USH2A: variants seen among roughly 807,000 people sequenced by gnomAD.
USH2A encodes the protein Usher syndrome 2A (autosomal recessive, mild).
USH2A carries 443 observed loss-of-function variants against 538.9 expected under a neutral mutation model. That is an observed-to-expected ratio of 0.82 (90% CI 0.76 to 0.89). The LOEUF is 0.89. Ranked by LOEUF, USH2A falls within the 40% of genes least tolerant of loss-of-function variation. The pLI is 0.00. For synonymous variants in USH2A, 2,413 were observed against 2,273.5 expected (o/e 1.06, Z -1.75); for missense variants, 6,633 against 6,324.8 (o/e 1.05, Z -1.65).
intron 4 of USH2A, among the ~76,000 whole-genome samples, chr1:216,355,518 T>C (rs1288629253): frequency 2.0e-5 from 3 of 152,078 alleles, no homozygotes; most frequent in Non-Finnish European, 4.4e-5. Flanking sequence ...TAGAATTCTA[T>C]ATCAAATGAA....
At chr1:216,329,429 G>A (rs1424430675) in intron 4 of USH2A, among the ~76,000 whole-genome samples, 1 of 152,108 alleles carries the variant, frequency 6.6e-6, no homozygotes, top group Admixed American at 6.6e-5. Context: ...GCCATTGTGT[G>A]CCTATGCTTT....
At chr1:216,234,765 T>C (rs1344704222) in intron 13 of USH2A, among the ~76,000 whole-genome samples, 1 of 152,150 alleles carries the variant, frequency 6.6e-6, no homozygotes, top group Non-Finnish European at 1.5e-5. Flanking sequence ...AATGATGTAT[T>C]AGATAAACCT....
rs577355060 is a variant in USH2A, at chr1:216,308,386, G to A, written c.1644+13497C>T. ...ATTTTGCCATCTTTGACAACTTGAT[G>A]AGTATAAAATATTATCACATTCTTT... On this transcript the variant is annotated intron_variant, in intron 9 of 71. Coordinates refer to ENST00000307340, the MANE Select transcript of USH2A (RefSeq NM_206933.4). Among the ~76,000 whole-genome samples, 16 of 150,226 alleles carry A rather than the reference G, an allele frequency of 1.1e-4. No homozygotes were observed. The South Asian group carries it at 3.4e-3, about 32-fold the overall frequency.
chr1:216,322,006 G>A lies in USH2A; in HGVS notation c.1551-30C>T, dbSNP rs542014558. On this transcript the variant is annotated intron_variant, in intron 8 of 71. Transcript: ENST00000307340. Reference sequence around the variant, plus strand: ...AAACATGAGCATCACACACTCCTAAGGAACACCAACTCAACTGTGAATATA... The same window carrying A: ...AAACATGAGCATCACACACTCCTAAAGAACACCAACTCAACTGTGAATATA... 16 of 1,602,576 alleles carry A rather than the reference G, an allele frequency of 1.0e-5. No individual in the cohort carries two copies. In the South Asian group the frequency reaches 1.8e-4, roughly 18 times the overall value.
At chr1:215,676,745 G>T (rs1341492497) in intron 62 of USH2A, among the ~76,000 whole-genome samples, 1 of 152,002 alleles carries the variant, frequency 6.6e-6, no homozygotes, top group Non-Finnish European at 1.5e-5. Flanking sequence ...TCTGAAGGGA[G>T]CATAGGTTCC....
chr1:216,036,979 C>T (rs2030015014), intron 32 of USH2A, among the ~76,000 whole-genome samples: 1 of 152,074 alleles, frequency 6.6e-6, no homozygotes, highest in Non-Finnish European at 1.5e-5. Context: ...TGTTTCTCAA[C>T]ATAAGCTCAA....
intron 9 of USH2A, among the ~76,000 whole-genome samples, chr1:216,316,874 T>A (rs887572582): frequency 6.6e-6 from 1 of 152,214 alleles, no homozygotes. Context: ...GACATTAATG[T>A]CCTCCCCTGG....
intron 37 of USH2A, among the ~76,000 whole-genome samples, chr1:215,963,005 T>C (rs1467707516): frequency 1.3e-5 from 2 of 152,106 alleles, no homozygotes; most frequent in East Asian, 3.9e-4. Context: ...CTGCAGGCAC[T>C]TTTATGTTGA....
chr1:215,746,702 T>C (rs1407893719), intron 58 of USH2A, among the ~76,000 whole-genome samples: 1 of 152,210 alleles, frequency 6.6e-6, no homozygotes, highest in Non-Finnish European at 1.5e-5. Context: ...TTTGGTGACG[T>C]TTTTGTGACC....
intron 46 of USH2A, among the ~76,000 whole-genome samples, chr1:215,841,068 T>C (rs1663664773): frequency 6.6e-6 from 1 of 152,100 alleles, no homozygotes; most frequent in South Asian, 2.1e-4. Flanking sequence ...TGGAAAAACA[T>C]TCCATGCTCA....
At chr1:215,777,910 T>C (rs1488781409) in intron 55 of USH2A, among the ~76,000 whole-genome samples, 2 of 152,214 alleles carry the variant, frequency 1.3e-5, no homozygotes. Flanking sequence ...TTTCTTTAAA[T>C]GATAAAGCAC....
intron 21 of USH2A, among the ~76,000 whole-genome samples, chr1:216,135,436 C>A (rs2033467141): frequency 6.6e-6 from 1 of 151,932 alleles, no homozygotes; most frequent in Non-Finnish European, 1.5e-5. Context: ...ATTAACTTAT[C>A]CTATTTCTCT....
At chr1:215,970,604 A>T (rs752994806) in intron 36 of USH2A, 21 bp downstream of exon 36, 2 of 1,613,274 alleles carry the variant, frequency 1.2e-6, no homozygotes, top group African/African-American at 2.7e-5. Context: ...ACATTCCTAG[A>T]ATGTAAATTT....
chr1:215,975,726 T>C (rs923487949), intron 35 of USH2A, among the ~76,000 whole-genome samples: 1 of 152,186 alleles, frequency 6.6e-6, no homozygotes, highest in Non-Finnish European at 1.5e-5. Context: ...AGCCTTATAG[T>C]ATAGTTTGAA....
rs776116763 is a variant in USH2A, at chr1:216,000,493, G to A, written c.6395C>T (p.Ser2132Phe). The change falls in exon 33 of 72, where the codon TCC becomes TTC. Residue 2132 changes from serine to phenylalanine, a missense_variant. Coordinates refer to ENST00000307340, the MANE Select transcript of USH2A (RefSeq NM_206933.4). The part of the protein sequence containing the change: ...ACTHVGCTNS[S>F]WVLLYTAQLP... ...CTGTGCTGTGTACAGTAGGACCCAG[G>A]AACTGTTTGTACAGCCCACATGTGT... The A allele has an allele frequency of 9.3e-6, 15 of 1,613,670 alleles. No individual in the cohort carries two copies. The highest frequency in any genetic ancestry group is 1.3e-5 in the Non-Finnish European group (15 of 1,179,736).
chr1:216,098,879 G>A (rs543385599), intron 21 of USH2A, among the ~76,000 whole-genome samples: 47 of 152,256 alleles, frequency 3.1e-4, no homozygotes, highest in African/African-American at 5.1e-4. Context: ...AGGATTTGGC[G>A]GGAATTGTAC....
At chr1:216,185,492 C>T (rs1291087102) in intron 20 of USH2A, among the ~76,000 whole-genome samples, 1 of 151,894 alleles carries the variant, frequency 6.6e-6, no homozygotes, top group African/African-American at 2.4e-5. Flanking sequence ...ATTACTACTT[C>T]TAATTTGTGG....
chr1:215,853,350 G>T (rs1664070761), intron 44 of USH2A, among the ~76,000 whole-genome samples: 1 of 152,130 alleles, frequency 6.6e-6, no homozygotes, highest in African/African-American at 2.4e-5. Context: ...CACACAGCAT[G>T]GGAACCCTGG....
At position 215,657,330 on chromosome 1, in the gene USH2A, C is replaced by G. The variant is rs543338064; in HGVS notation, c.14134-6529G>C. On this transcript the variant is annotated intron_variant, in intron 64 of 71. Coordinates refer to ENST00000307340, the MANE Select transcript of USH2A (RefSeq NM_206933.4). ...TTGAATATGTTTGAATAGCAATATG[C>G]TGAAATCTTCTTTGCTGGAATCGCG... Among the ~76,000 whole-genome samples the G allele has an allele frequency of 1.8e-4, 28 of 152,332 alleles. No homozygotes were observed. In the South Asian group the frequency reaches 5.8e-3, roughly 32 times the overall value.
Sources: gnomAD v4.1 joint callset for allele counts (sites outside exome capture counted in the v4.1 genomes callset) on GRCh38, gnomAD v4.1.1 for gene constraint, MANE v1.5 for transcripts, NCBI Gene and HGNC (gene_info 2026-07-23, HGNC 2026-07-21) for gene names.